PALLD: variants seen among roughly 807,000 people sequenced by gnomAD.
PALLD encodes palladin, cytoskeletal associated protein.
Under a neutral mutation model 123.5 loss-of-function variants are expected in PALLD, and 61 were observed. The ratio of observed to expected loss-of-function variants is 0.49; its 90% CI spans 0.40 to 0.61. The LOEUF (loss-of-function observed/expected upper bound fraction) is 0.61, where lower values mean the gene tolerates loss of function less well. Among genes scored for constraint, PALLD ranks in the 20% least tolerant of loss-of-function variants. The probability of loss-of-function intolerance (pLI) is 0.00; values close to 1 mark genes in which losing one functional copy is unlikely to be tolerated. For synonymous variants in PALLD, 465 were observed against 496.4 expected (o/e 0.94, Z 0.84); for missense variants, 1,273 against 1,377.0 (o/e 0.92, Z 1.20).
intron 2 of PALLD, among the ~76,000 whole-genome samples, chr4:168,587,952 G>C (rs17707379): frequency 1.3e-5 from 2 of 151,776 alleles, no homozygotes; most frequent in African/African-American, 4.8e-5. Context: ...ACTGCGAGGC[G>C]TGTCACAAGA....
intron 8 of PALLD, among the ~76,000 whole-genome samples, chr4:168,704,104 A>G (rs1358466784): frequency 6.6e-6 from 1 of 151,784 alleles, no homozygotes; most frequent in Non-Finnish European, 1.5e-5. Context: ...CTGATCTTTG[A>G]CAAACCTGAG....
intron 5 of PALLD, among the ~76,000 whole-genome samples, chr4:168,685,099 C>T (rs1781900811): frequency 6.6e-6 from 1 of 152,110 alleles, no homozygotes; most frequent in South Asian, 2.1e-4. Context: ...CCTCCAGTGC[C>T]AATAGCCAAT....
At chr4:168,709,307 C>T (rs1301160277) in intron 9 of PALLD, among the ~76,000 whole-genome samples, 160 bp downstream of exon 9, 10 of 151,538 alleles carry the variant, frequency 6.6e-5, no homozygotes, top group African/African-American at 1.2e-4. Flanking sequence ...GTGAAGAGTT[C>T]GAGACCAGCC....
At chr4:168,569,838 G>T (rs1768792271) in intron 2 of PALLD, among the ~76,000 whole-genome samples, 1 of 152,086 alleles carries the variant, frequency 6.6e-6, no homozygotes, top group Admixed American at 6.6e-5. Context: ...CTGCTGCCTA[G>T]AAAATAATAA....
Position 168,788,723 on chromosome 4 carries a change from C to T in PALLD, c.1964+76800C>T, listed in dbSNP as rs79181467. On this transcript the variant is annotated intron_variant, in intron 10 of 21. Transcript: ENST00000505667. ...GGGGGATGCTGGGCATGGGTAGGGA[C>T]GGGGAATACATGGGGAATCTCTGTA... Among the ~76,000 whole-genome samples the T allele has an allele frequency of 8.2e-3, 1,250 of 151,962 alleles. 7 individuals are homozygous for T. The highest frequency in any genetic ancestry group is 0.024 in the Middle Eastern group (7 of 292).
At chr4:168,893,512 T>A (rs6846384) in intron 11 of PALLD, among the ~76,000 whole-genome samples, 99,129 of 151,664 alleles carry the variant, frequency 0.65, 34,025 homozygotes, top group Non-Finnish European at 0.76. Context: ...ATTAGAGAGC[T>A]TCCAATCAAA....
chr4:168,583,689 G>T (rs1770518663), intron 2 of PALLD, among the ~76,000 whole-genome samples: 1 of 152,160 alleles, frequency 6.6e-6, no homozygotes, highest in South Asian at 2.1e-4. Flanking sequence ...TAAGGCTAAT[G>T]GACTAATGGA....
intron 2 of PALLD, among the ~76,000 whole-genome samples, chr4:168,538,955 C>T (rs534905288): frequency 3.3e-5 from 5 of 152,156 alleles, no homozygotes; most frequent in African/African-American, 9.7e-5. Flanking sequence ...CAGAATTTAG[C>T]CCTCCCCCAG....
intron 10 of PALLD, among the ~76,000 whole-genome samples, chr4:168,785,871 A>G (rs1736672077): frequency 1.5e-5 from 2 of 136,924 alleles, no homozygotes; most frequent in African/African-American, 5.5e-5. Context: ...ATATATATAT[A>G]TATATAGCAT....
In PALLD at chr4:168,681,444, A is replaced by T. The variant is rs114514098; in HGVS notation, c.1154+46A>T. 2.6e-4 allele frequency: 317 copies of T among 1,226,840 alleles called. 1 individual carries two copies. In the African/African-American group the frequency reaches 3.9e-3, roughly 15 times the overall value. The allele number at this position is 1,226,840 out of a possible 1,614,324, so 76.0% of individuals were successfully genotyped here. ...CGATTATGTGGAAACAAAGAATGGC[A>T]ACAGAATGGTTGGGGTATGAAACCA... On this transcript the variant is annotated intron_variant, in intron 4 of 21. Coordinates refer to ENST00000505667, the MANE Select transcript of PALLD (RefSeq NM_001166108.2).
At chr4:168,555,158 C>T (rs1767148503) in intron 2 of PALLD, among the ~76,000 whole-genome samples, 1 of 151,826 alleles carries the variant, frequency 6.6e-6, no homozygotes, top group South Asian at 2.1e-4. Flanking sequence ...AAGATTTATA[C>T]GAATATTAAG....
chr4:168,751,071 G>T (rs1731001825), intron 10 of PALLD, among the ~76,000 whole-genome samples: 1 of 150,978 alleles, frequency 6.6e-6, no homozygotes, highest in African/African-American at 2.4e-5. Context: ...GGAGTGTAAT[G>T]GCACAATCTT....
chr4:168,878,682 T>TGGGGG (rs10686951), intron 10 of PALLD, among the ~76,000 whole-genome samples: 5 of 83,918 alleles, frequency 6.0e-5, no homozygotes, highest in East Asian at 9.4e-4. Context: ...TTAATCATTA[T>TGGGGG]GGGGGGGGGG....
At chr4:168,730,348 C>A (rs921390328) in intron 10 of PALLD, among the ~76,000 whole-genome samples, 1 of 152,188 alleles carries the variant, frequency 6.6e-6, no homozygotes, top group African/African-American at 2.4e-5. Context: ...TGTTCTGTCT[C>A]ATGGATGCAA....
At chr4:168,634,130 A>G (rs769039943) in intron 2 of PALLD, among the ~76,000 whole-genome samples, 4 of 152,194 alleles carry the variant, frequency 2.6e-5, no homozygotes, top group Non-Finnish European at 5.9e-5. Context: ...GCTGCATTTA[A>G]TCTTCAGCTG....
chr4:168,880,590 TAAAAAC>T (rs1369515952), intron 10 of PALLD, among the ~76,000 whole-genome samples: 3 of 152,220 alleles, frequency 2.0e-5, no homozygotes, highest in African/African-American at 7.2e-5. Flanking sequence ...CATTCTGAAT[TAAAAAC>T]AAAAATGTTA....
chr4:168,776,610 A>G (rs1735201679), intron 10 of PALLD, among the ~76,000 whole-genome samples: 1 of 152,168 alleles, frequency 6.6e-6, no homozygotes, highest in Non-Finnish European at 1.5e-5. Context: ...CCCTTTTACT[A>G]TTAAGTATGA....
At chr4:168,720,163 T>G (rs1277169878) in intron 10 of PALLD, among the ~76,000 whole-genome samples, 1 of 152,208 alleles carries the variant, frequency 6.6e-6, no homozygotes, top group Non-Finnish European at 1.5e-5. Flanking sequence ...CTACGATGAT[T>G]TTGGCAAGAA....
chr4:168,664,463 GGTGCTT>G (rs1298727013), intron 2 of PALLD, among the ~76,000 whole-genome samples: 1 of 152,116 alleles, frequency 6.6e-6, no homozygotes, highest in African/African-American at 2.4e-5. Context: ...CAAAATGATT[GGTGCTT>G]GTAAACCACT....
Sources: gnomAD v4.1 joint callset for allele counts (sites outside exome capture counted in the v4.1 genomes callset) on GRCh38, gnomAD v4.1.1 for gene constraint, MANE v1.5 for transcripts, NCBI Gene and HGNC (gene_info 2026-07-23, HGNC 2026-07-21) for gene names.